PCDHGA1: variants seen among roughly 807,000 people sequenced by gnomAD.
PCDHGA1 encodes the protein protocadherin gamma-A1.
In PCDHGA1, 32 loss-of-function variants were observed where a neutral mutation model predicts 58.0. The observed-to-expected ratio is 0.55, with a 90% CI of 0.42 to 0.74. The LOEUF is 0.74. Among genes scored for constraint, PCDHGA1 ranks in the 30% least tolerant of loss-of-function variants. The pLI, the probability that PCDHGA1 is intolerant of heterozygous loss-of-function variation, is 0.00. For missense variants in PCDHGA1, 1,205 were observed against 1,182.3 expected, an observed-to-expected ratio of 1.02 and a Z score of -0.28; for synonymous variants, 498 against 501.1, an observed-to-expected ratio of 0.99 and a Z score of 0.08.
chr5:141,478,941 A>G (rs889484528), intron 1 of PCDHGA1: 2 of 589,470 alleles, frequency 3.4e-6, no homozygotes, highest in Non-Finnish European at 5.6e-6. Context: ...TTCTAGGAAT[A>G]CAAAAACTAC....
At chr5:141,441,779 C>T in intron 1 of PCDHGA1, 2 of 390,030 alleles carry the variant, frequency 5.1e-6, no homozygotes, top group South Asian at 2.0e-5. Context: ...TGGTGGACGA[C>T]CTGAATGACA....
In PCDHGA1 at chr5:141,395,547, TGTGTGTGTGTGTGTG is replaced by T. The variant is rs2093269943; in HGVS notation, c.2421+62443_2421+62457del. On this transcript the variant is annotated intron_variant, in intron 1 of 3. Coordinates refer to ENST00000517417, the MANE Select transcript of PCDHGA1 (RefSeq NM_018912.3). ...ACTGGTAATTTTGCTATTGTTTGTG[TGTGTGTGTGTGTGTG>T]TGTGTGTGTGTGTGTGTGTGTGTGT... 2.2e-3 allele frequency: 375 copies of T among 174,268 alleles called. 18 individuals carry two copies. The highest frequency in any genetic ancestry group is 5.2e-3 in the East Asian group (33 of 6,366). 10.8% of individuals were successfully genotyped at this position (174,268 alleles called of 1,614,324 possible). A position where few individuals can be genotyped will look rare whatever the true frequency, so the allele number is the denominator to read the frequency against.
chr5:141,366,312 C>T (rs889893498), intron 1 of PCDHGA1: 5 of 1,613,630 alleles, frequency 3.1e-6, no homozygotes, highest in Admixed American at 3.3e-5. Flanking sequence ...TTCACGGTCA[C>T]CGTTGCCGTG....
At chr5:141,356,269 C>T in intron 1 of PCDHGA1, 1 of 1,562,502 alleles carries the variant, frequency 6.4e-7, no homozygotes, top group Non-Finnish European at 8.7e-7. Context: ...CAGCTCAGTC[C>T]AGGAATCTTC....
At position 141,485,541 on chromosome 5, in the gene PCDHGA1, T is replaced by A; in HGVS notation, c.2422-9266T>A. 2 of 1,613,902 alleles carry A rather than the reference T, an allele frequency of 1.2e-6. No homozygotes were observed. Among genetic ancestry groups the A allele is most frequent in the Non-Finnish European group, 1.7e-6 (2 of 1,179,958 alleles). ...GAAATGTACCGAGCAGAGGTAGAGATCGTAGATGTGAATGATCACGCCCCC... is the reference window on the plus strand; with the variant it reads ...GAAATGTACCGAGCAGAGGTAGAGAACGTAGATGTGAATGATCACGCCCCC... On this transcript the variant is annotated intron_variant, in intron 1 of 3. Coordinates refer to ENST00000517417, the MANE Select transcript of PCDHGA1 (RefSeq NM_018912.3). The surrounding 1 kb of genome is among the most constrained non-coding windows in gnomAD (Gnocchi z 5.7).
intron 1 of PCDHGA1, chr5:141,366,852 A>T (rs1764825347): frequency 7.0e-7 from 1 of 1,434,404 alleles, no homozygotes; most frequent in Non-Finnish European, 9.4e-7. Context: ...TAAATAGTGG[A>T]ACATTATTTG....
intron 1 of PCDHGA1, among the ~76,000 whole-genome samples, chr5:141,453,393 A>G (rs2098764590): frequency 6.6e-6 from 1 of 152,018 alleles, no homozygotes; most frequent in Non-Finnish European, 1.5e-5. Flanking sequence ...CTTAGCCTCC[A>G]AGTGCTGGTA....
At chr5:141,344,207 G>C in intron 1 of PCDHGA1, 1 of 1,614,040 alleles carries the variant, frequency 6.2e-7, no homozygotes, top group Non-Finnish European at 8.5e-7. Context: ...AGCCCCGGGA[G>C]CTGGCGGAGC....
At chr5:141,372,739 G>T (rs778027776) in intron 1 of PCDHGA1, 2 of 1,613,668 alleles carry the variant, frequency 1.2e-6, no homozygotes, top group South Asian at 2.2e-5. Context: ...GATCTTCTAT[G>T]TGATGAAGCC....
chr5:141,344,099 G>A (rs759916569), intron 1 of PCDHGA1: 1 of 1,613,776 alleles, frequency 6.2e-7, no homozygotes. Flanking sequence ...TCCTGGGGAC[G>A]CTGTGCGAAA....
At chr5:141,403,208 A>T (rs763459005) in intron 1 of PCDHGA1, 2 of 1,613,962 alleles carry the variant, frequency 1.2e-6, no homozygotes, top group Non-Finnish European at 1.7e-6. Flanking sequence ...CACCTTGGTC[A>T]CCGCGGGTAG....
rs541159563 is a variant in PCDHGA1, at chr5:141,383,854, G to A, written c.2421+50749G>A. 2.3e-5 allele frequency: 37 copies of A among 1,613,942 alleles called. No homozygotes were observed. The South Asian group carries it at 3.4e-4, about 15-fold the overall frequency. Reference sequence around the variant, plus strand: ...AGAAACTGCCTTCTATGAAATGGAGGTTCAGGCTCAAGATGGTCCTGGTAG... The same window carrying A: ...AGAAACTGCCTTCTATGAAATGGAGATTCAGGCTCAAGATGGTCCTGGTAG... On this transcript the variant is annotated intron_variant, in intron 1 of 3. Transcript: ENST00000517417.
intron 1 of PCDHGA1, chr5:141,374,786 G>A (rs1476058358): frequency 1.2e-6 from 2 of 1,613,912 alleles, no homozygotes; most frequent in Admixed American, 1.7e-5. Flanking sequence ...AGTTCTAGAT[G>A]TGAATGACAA....
intron 1 of PCDHGA1, chr5:141,478,265 G>A: frequency 6.2e-7 from 1 of 1,614,196 alleles, no homozygotes; most frequent in African/African-American, 1.3e-5. Context: ...CATATTCAAA[G>A]TTTACAAGTG....
chr5:141,462,198 G>C (rs2099034283), intron 1 of PCDHGA1, among the ~76,000 whole-genome samples: 1 of 152,182 alleles, frequency 6.6e-6, no homozygotes, highest in Non-Finnish European at 1.5e-5. Context: ...GACCTCAGGT[G>C]ATCCGCCTGC....
intron 1 of PCDHGA1, chr5:141,376,448 G>A: frequency 6.2e-7 from 1 of 1,614,174 alleles, no homozygotes. Context: ...TGAGAAAAGC[G>A]AGCCTCTTCT....
intron 1 of PCDHGA1, chr5:141,379,738 A>T (rs1218280067): frequency 1.3e-5 from 2 of 152,158 alleles, no homozygotes; most frequent in Non-Finnish European, 2.9e-5. Flanking sequence ...GTTATGGCTA[A>T]ATGAGGTTCT....
chr5:141,344,348 A>C lies in PCDHGA1; in HGVS notation c.2421+11243A>C, dbSNP rs556423693. ...CTCAGATCCCGCTGTGTCTGGTAAA[A>C]ATTAACATTCTGGTTGAGGATAAAT... On this transcript the variant is annotated intron_variant, in intron 1 of 3. Coordinates refer to ENST00000517417, the MANE Select transcript of PCDHGA1 (RefSeq NM_018912.3). 5.0e-6 allele frequency: 8 copies of C among 1,613,946 alleles called. No individual in the cohort carries two copies. The African/African-American group carries it at 9.3e-5, about 19-fold the overall frequency.
intron 1 of PCDHGA1, chr5:141,405,079 C>G (rs1383258618): frequency 6.2e-7 from 1 of 1,613,898 alleles, no homozygotes; most frequent in South Asian, 1.1e-5. Context: ...CCTTCGTTAT[C>G]ACGCTGCTGG....
Sources: allele counts gnomAD v4.1 joint callset (sites outside exome capture counted in the v4.1 genomes callset), GRCh38; gene constraint gnomAD v4.1.1; non-coding constraint Gnocchi (gnomAD v3.1); transcripts MANE v1.5; gene names NCBI Gene and HGNC (gene_info 2026-07-23, HGNC 2026-07-21).